The following PDE4D variants were observed in gnomAD, a reference collection of about 807,000 sequenced individuals.
PDE4D encodes the protein phosphodiesterase 4D.
In PDE4D, 24 loss-of-function variants were observed where a neutral mutation model predicts 87.4. That is an observed-to-expected ratio of 0.27 (90% confidence interval 0.20 to 0.39). The LOEUF (loss-of-function observed/expected upper bound fraction) is 0.39. Among genes scored for constraint, PDE4D ranks in the 10% least tolerant of loss-of-function variants. The pLI is 1.00. For synonymous variants in PDE4D, 384 were observed against 383.2 expected, an observed-to-expected ratio of 1.00 and a Z score of -0.02; for missense variants, 714 against 1,041.0, an observed-to-expected ratio of 0.69 and a Z score of 4.32.
rs1780457310 is a variant in PDE4D, at chr5:59,157,668, T to C, written c.808+22927A>G. Among the ~76,000 whole-genome samples, 3 of 152,158 alleles carry C rather than the reference T, an allele frequency of 2.0e-5. No individual in the cohort carries two copies. In the South Asian group the frequency reaches 6.2e-4, roughly 32 times the overall value. On this transcript the variant is annotated intron_variant, in intron 5 of 14. Transcript: ENST00000340635. ...ATCAAAATAAAACCAACCAAACACA[T>C]AATTAGGATGGAACCTAGTTAAACA...
chr5:60,107,542 A>G (rs1256887707), intron 2 of PDE4D, among the ~76,000 whole-genome samples: 2 of 152,218 alleles, frequency 1.3e-5, no homozygotes, highest in Non-Finnish European at 2.9e-5. Flanking sequence ...AAAGCCAGGC[A>G]GAGACACAAC....
chr5:60,052,045 T>C (rs1183323874), intron 2 of PDE4D, among the ~76,000 whole-genome samples: 1 of 152,158 alleles, frequency 6.6e-6, no homozygotes, highest in Non-Finnish European at 1.5e-5. Context: ...GAGGCAGTAA[T>C]TAATAGCTTA....
intron 5 of PDE4D, chr5:59,039,573 G>T: frequency 1.0e-6 from 1 of 953,406 alleles, no homozygotes; most frequent in Non-Finnish European, 1.2e-6. Flanking sequence ...CAACGCCGCA[G>T]CTTTCCGGGA....
intron 1 of PDE4D, among the ~76,000 whole-genome samples, chr5:59,662,467 C>A (rs1381244078): frequency 6.6e-6 from 1 of 152,250 alleles, no homozygotes; most frequent in African/African-American, 2.4e-5. Flanking sequence ...CCATTTGAAT[C>A]CTTTTAGTTT....
intron 1 of PDE4D, among the ~76,000 whole-genome samples, chr5:60,417,696 T>C (rs1742729551): frequency 6.6e-6 from 1 of 152,136 alleles, no homozygotes; most frequent in Non-Finnish European, 1.5e-5. Context: ...GAATTTTTTT[T>C]AGAAAGCAGT....
chr5:59,495,028 A>G (rs892097717), intron 1 of PDE4D, among the ~76,000 whole-genome samples: 6 of 152,168 alleles, frequency 3.9e-5, no homozygotes, highest in African/African-American at 9.7e-5. Flanking sequence ...TGCTCTTTCT[A>G]CCTTATCCAG....
At chr5:59,875,390 G>T (rs1269382617) in intron 1 of PDE4D, among the ~76,000 whole-genome samples, 3 of 133,696 alleles carry the variant, frequency 2.2e-5, no homozygotes, top group Non-Finnish European at 3.1e-5. Context: ...GAACCCAGGA[G>T]ACAGAGGTTG....
At chr5:59,309,686 C>A (rs988890683) in intron 1 of PDE4D, among the ~76,000 whole-genome samples, 1 of 152,158 alleles carries the variant, frequency 6.6e-6, no homozygotes, top group Admixed American at 6.5e-5. Flanking sequence ...CTGGTTTGTT[C>A]TTGCAGTCAA....
intron 3 of PDE4D, among the ~76,000 whole-genome samples, chr5:59,919,959 A>C (rs936506172): frequency 6.6e-6 from 1 of 152,308 alleles, no homozygotes; most frequent in South Asian, 2.1e-4. Flanking sequence ...GTACATGGTA[A>C]ATTTTAATTA....
intron 1 of PDE4D, among the ~76,000 whole-genome samples, chr5:59,407,312 A>G (rs1408072701): frequency 6.6e-6 from 1 of 152,210 alleles, no homozygotes; most frequent in Non-Finnish European, 1.5e-5. Context: ...AAGCTCCCTG[A>G]GGCCTCTCCA....
intron 1 of PDE4D, among the ~76,000 whole-genome samples, chr5:60,508,061 C>T (rs973866439): frequency 6.6e-6 from 1 of 152,208 alleles, no homozygotes; most frequent in African/African-American, 2.4e-5. Flanking sequence ...TAAACATGCT[C>T]AGGTCCTTGT....
chr5:60,516,700 C>T (rs554339572), intron 1 of PDE4D, among the ~76,000 whole-genome samples: 2 of 152,348 alleles, frequency 1.3e-5, no homozygotes, highest in Non-Finnish European at 2.9e-5. Context: ...TATTGAGCTT[C>T]TATGTTATGC....
chr5:60,511,008 C>T (rs745580702), intron 1 of PDE4D, among the ~76,000 whole-genome samples: 2 of 152,078 alleles, frequency 1.3e-5, no homozygotes, highest in African/African-American at 4.8e-5. Flanking sequence ...CTTGCACTGT[C>T]GCCCAGGCTG....
intron 2 of PDE4D, among the ~76,000 whole-genome samples, chr5:60,007,241 ATTTGT>A (rs1764579876): frequency 6.6e-6 from 1 of 151,970 alleles, no homozygotes; most frequent in Admixed American, 6.6e-5. Context: ...CAATGATTTG[ATTTGT>A]TATCATGGGT....
intron 1 of PDE4D, among the ~76,000 whole-genome samples, chr5:60,442,423 C>T (rs920204258): frequency 6.6e-6 from 1 of 151,734 alleles, no homozygotes; most frequent in Non-Finnish European, 1.5e-5. Context: ...GGGACCATCA[C>T]ACACCAGGGC....
intron 1 of PDE4D, among the ~76,000 whole-genome samples, chr5:59,551,668 T>G (rs1818146398): frequency 6.6e-6 from 1 of 152,168 alleles, no homozygotes; most frequent in Non-Finnish European, 1.5e-5. Context: ...CTTCCAACCT[T>G]TACCCACTGT....
chr5:60,184,413 T>C (rs2149507915), intron 2 of PDE4D, among the ~76,000 whole-genome samples: 1 of 152,322 alleles, frequency 6.6e-6, no homozygotes. Context: ...TGAGTGACTT[T>C]GTATGATGAT....
intron 3 of PDE4D, among the ~76,000 whole-genome samples, chr5:59,930,163 CAAAAAAAA>C (rs35465849): frequency 3.6e-5 from 3 of 82,948 alleles, no homozygotes; most frequent in Non-Finnish European, 6.5e-5. Context: ...ACTCCGTCTC[CAAAAAAAA>C]AAAAAAAAAA....
intron 1 of PDE4D, among the ~76,000 whole-genome samples, chr5:60,378,652 G>A (rs1583574717): frequency 6.6e-6 from 1 of 152,036 alleles, no homozygotes; most frequent in African/African-American, 2.4e-5. Flanking sequence ...AGGAGTTCAA[G>A]ACCAGCCTGA....
Sources: allele counts gnomAD v4.1 joint callset (sites outside exome capture counted in the v4.1 genomes callset), GRCh38; gene constraint gnomAD v4.1.1; transcripts MANE v1.5; gene names NCBI Gene and HGNC (gene_info 2026-07-23, HGNC 2026-07-21).